Variants in IL17REL observed in about 807,000 individuals in gnomAD.
IL17REL encodes interleukin-17 receptor E-like protein.
A neutral mutation model predicts 49.0 loss-of-function variants in IL17REL; 36 were observed. The ratio of observed to expected loss-of-function variants is 0.73; its 90% CI spans 0.56 to 0.97. IL17REL has a LOEUF of 0.97. Among genes scored for constraint, IL17REL ranks in the 50% least tolerant of loss-of-function variants. IL17REL has a pLI of 0.00. For missense variants in IL17REL, 470 were observed against 453.9 expected, an observed-to-expected ratio of 1.04 and a Z score of -0.32; for synonymous variants, 206 against 192.4, an observed-to-expected ratio of 1.07 and a Z score of -0.58.
intron 1 of IL17REL, among the ~76,000 whole-genome samples, chr22:50,004,924 A>G (rs1014314746): frequency 1.3e-5 from 2 of 151,406 alleles, no homozygotes; most frequent in African/African-American, 2.4e-5. Flanking sequence ...TAGAAAAAAG[A>G]CAAAGACTTA....
chr22:49,997,139 T>C, intron 11 of IL17REL, 65 bp from the exon 14 acceptor site: 1 of 1,470,128 alleles, frequency 6.8e-7, no homozygotes, highest in Non-Finnish European at 9.3e-7. Context: ...ACACTGTCCT[T>C]CTCCCACATC....
At chr22:50,005,791 C>T (rs568292486) in intron 1 of IL17REL, among the ~76,000 whole-genome samples, 3 of 151,384 alleles carry the variant, frequency 2.0e-5, no homozygotes, top group East Asian at 2.0e-4. Flanking sequence ...GGCAACAAAG[C>T]GAGACCTTGT....
At chr22:49,997,340 T>A (rs1277032325) in exon 11 of IL17REL, 1 of 1,613,722 alleles carries the variant, frequency 6.2e-7, no homozygotes. Context: ...GGGAGCGGGC[T>A]GGCCTGGAGT....
chr22:50,000,477 C>A lies in IL17REL; in HGVS notation c.334+1G>T. 1.9e-6 allele frequency: 3 copies of A among 1,610,618 alleles called. No individual in the cohort carries two copies. Among genetic ancestry groups the A allele is most frequent in the Non-Finnish European group, 2.5e-6 (3 of 1,177,428 alleles). On this transcript the variant is annotated splice_donor_variant, in intron 4 of 12. Coordinates refer to ENST00000341280, the Ensembl canonical transcript of IL17REL. LOFTEE classifies it high-confidence loss of function. ...TGCTCAGGGGGCCCTGGGGACCCTA[C>A]CTTCCACGAGGTGCCTCTGGTCCAG...
chr22:50,000,486 A>C, exon 4 of IL17REL: 1 of 1,612,424 alleles, frequency 6.2e-7, no homozygotes, highest in Non-Finnish European at 8.5e-7. Flanking sequence ...ACCTTCCACG[A>C]GGTGCCTCTG....
chr22:50,009,704 G>A (rs1447280992), upstream of IL17REL, among the ~76,000 whole-genome samples: 1 of 152,186 alleles, frequency 6.6e-6, no homozygotes, highest in Non-Finnish European at 1.5e-5. Context: ...TAGCCCAGGT[G>A]GGAACACGGA....
At chr22:49,999,888 G>A (rs777947056) in exon 5 of IL17REL, 18 of 1,544,600 alleles carry the variant, frequency 1.2e-5, no homozygotes, top group Non-Finnish European at 1.5e-5. Flanking sequence ...GCAGGTAGTA[G>A]TCGGGGCTCC....
At chr22:50,004,120 C>G (rs893962612) in intron 1 of IL17REL, among the ~76,000 whole-genome samples, 1 of 151,946 alleles carries the variant, frequency 6.6e-6, no homozygotes, top group Non-Finnish European at 1.5e-5. Flanking sequence ...ACTCTGTTGC[C>G]CAGGCTGAAG....
chr22:49,999,276 T>C lies in IL17REL; in HGVS notation c.601+15A>G. 12 of 1,612,942 alleles carry C rather than the reference T, an allele frequency of 7.4e-6. No homozygotes were observed. Among genetic ancestry groups the C allele is most frequent in the Non-Finnish European group, 1.0e-5 (12 of 1,179,988 alleles). ...ATTCCCACCCTTCCGCCCGTTGGCA[T>C]CGCAGGACACTTGCCGTTTTCAAAG... On this transcript the variant is annotated intron_variant, in intron 7 of 12. Transcript: ENST00000341280.
At chr22:49,992,395 C>T (rs1015194534), downstream of IL17REL, among the ~76,000 whole-genome samples, 3 of 152,222 alleles carry the variant, frequency 2.0e-5, no homozygotes, top group South Asian at 2.1e-4. Context: ...CACACATCAC[C>T]TTGTCTGAGC....
exon 13 of IL17REL, chr22:49,995,492 G>C (rs1461704291): frequency 6.6e-6 from 1 of 152,332 alleles, no homozygotes; most frequent in Non-Finnish European, 1.5e-5. Context: ...AGGGGGGCCT[G>C]GCTCAGCTGT....
In IL17REL at chr22:50,001,066, C is replaced by G; in HGVS notation, c.109+16G>C. On this transcript the variant is annotated intron_variant, in intron 2 of 12. Coordinates refer to ENST00000341280, the Ensembl canonical transcript of IL17REL. ...ACCTGCGGGTGTTAACTCCCACCCTCGAGGCCACCTCTCACCATGCAGGGT... is the reference window on the plus strand; with the variant it reads ...ACCTGCGGGTGTTAACTCCCACCCTGGAGGCCACCTCTCACCATGCAGGGT... The G allele has an allele frequency of 1.3e-6, 2 of 1,555,652 alleles. No individual in the cohort carries two copies. The highest frequency in any genetic ancestry group is 1.4e-5 in the African/African-American group (1 of 73,656).
intron 7 of IL17REL, 135 bp downstream of exon 9, chr22:49,999,156 G>A (rs2061057985): frequency 9.4e-7 from 1 of 1,063,974 alleles, no homozygotes; most frequent in Non-Finnish European, 1.5e-6. Context: ...TTGGTGACAA[G>A]CCCTTCCGAG....
intron 3 of IL17REL, 30 bp from the exon 5 acceptor site, chr22:50,000,622 A>G: frequency 6.3e-7 from 1 of 1,582,682 alleles, no homozygotes; most frequent in Non-Finnish European, 8.7e-7. Flanking sequence ...AGCTGCGTGG[A>G]CTCAGAGGCA....
At chr22:50,001,440 C>G (rs2061079820) in intron 1 of IL17REL, among the ~76,000 whole-genome samples, 1 of 152,156 alleles carries the variant, frequency 6.6e-6, no homozygotes, top group Admixed American at 6.5e-5. Context: ...TGTGGGACCC[C>G]AGGAGTGGGC....
chr22:49,997,102 A>T, intron 11 of IL17REL, 28 bp from the exon 14 acceptor site: 1 of 1,568,048 alleles, frequency 6.4e-7, no homozygotes, highest in Non-Finnish European at 8.6e-7. Context: ...GGTCACAGGC[A>T]ATGGGAGGAA....
chr22:50,000,793 C>G, exon 3 of IL17REL: 1 of 1,601,198 alleles, frequency 6.2e-7, no homozygotes, highest in Non-Finnish European at 8.5e-7. Flanking sequence ...CCCTGGCCAC[C>G]CACACGCTCT....
intron 11 of IL17REL, 37 bp downstream of exon 13, chr22:49,997,283 C>A (rs777354379): frequency 1.9e-6 from 3 of 1,593,726 alleles, no homozygotes; most frequent in Admixed American, 3.4e-5. Flanking sequence ...CCACCACCCC[C>A]ACCTCCCCAG....
At chr22:50,003,545 G>A (rs555696268) in intron 1 of IL17REL, among the ~76,000 whole-genome samples, 55 of 107,378 alleles carry the variant, frequency 5.1e-4, no homozygotes, top group Non-Finnish European at 9.0e-4. Flanking sequence ...AAAAAAAAAG[G>A]CTGGGCATGG....
Sources: gnomAD v4.1 joint callset for allele counts (sites outside exome capture counted in the v4.1 genomes callset) on GRCh38, gnomAD v4.1.1 for gene constraint, MANE v1.5 for transcripts, NCBI Gene and HGNC (gene_info 2026-07-23, HGNC 2026-07-21) for gene names.